The following PCBP3 variants were observed in gnomAD, a reference collection of about 807,000 sequenced individuals.
The protein encoded by PCBP3 is poly(rC) binding protein 3, also known as poly(rC)-binding protein 3.
A neutral mutation model predicts 52.7 loss-of-function variants in PCBP3; 25 were observed. The ratio of observed to expected loss-of-function variants is 0.47; its 90% CI spans 0.35 to 0.66. The LOEUF (loss-of-function observed/expected upper bound fraction) is 0.66. Ranked by LOEUF, PCBP3 falls within the 30% of genes least tolerant of loss-of-function variation. The pLI is 0.01. For synonymous variants in PCBP3, 162 were observed against 183.0 expected (o/e 0.89, Z 0.93); for missense variants, 391 against 490.3 (o/e 0.80, Z 1.91).
intron 2 of PCBP3, among the ~76,000 whole-genome samples, chr21:45,712,250 A>G (rs1199015353): frequency 1.3e-5 from 2 of 152,182 alleles, no homozygotes; most frequent in African/African-American, 4.8e-5. Flanking sequence ...TTTTCAATTC[A>G]TTTGGGCAAA....
chr21:45,928,775 G>A lies in PCBP3; in HGVS notation c.718-1142G>A, dbSNP rs369098524. Among the ~76,000 whole-genome samples the A allele has an allele frequency of 4.2e-4, 64 of 152,330 alleles. No homozygotes were observed. Among genetic ancestry groups the A allele is most frequent in the African/African-American group, 7.9e-4 (33 of 41,580 alleles). ...TGAGGTGCCTGCCTGGCTGTGGGTCGCAGGAGTCCACACACAGCCACGCTG... is the reference window on the plus strand; with the variant it reads ...TGAGGTGCCTGCCTGGCTGTGGGTCACAGGAGTCCACACACAGCCACGCTG... On this transcript the variant is annotated intron_variant, in intron 13 of 17. Transcript: ENST00000681687. The surrounding 1 kb of genome is among the most constrained non-coding windows in gnomAD (Gnocchi z 4.1).
chr21:45,826,239 C>T (rs931981571), intron 4 of PCBP3, among the ~76,000 whole-genome samples: 4 of 146,604 alleles, frequency 2.7e-5, no homozygotes, highest in Middle Eastern at 7.0e-3. Flanking sequence ...GCCTGGGCAA[C>T]AAGAGTGAAA....
chr21:45,933,773 G>A (rs1320606275), intron 15 of PCBP3, among the ~76,000 whole-genome samples: 1 of 152,104 alleles, frequency 6.6e-6, no homozygotes, highest in Non-Finnish European at 1.5e-5. Flanking sequence ...GCCCTGTGGG[G>A]TCACTCCCTG....
chr21:45,698,956 C>T (rs1170384245), intron 2 of PCBP3, among the ~76,000 whole-genome samples: 2 of 152,154 alleles, frequency 1.3e-5, no homozygotes, highest in African/African-American at 4.8e-5. Flanking sequence ...CCCAGCTATT[C>T]AGAATCCTCT....
At chr21:45,661,740 T>C (rs955960726) in intron 1 of PCBP3, among the ~76,000 whole-genome samples, 15 of 152,320 alleles carry the variant, frequency 9.8e-5, no homozygotes, top group Admixed American at 8.5e-4. Context: ...CTCCACACTG[T>C]TTTCCATAGA....
intron 9 of PCBP3, among the ~76,000 whole-genome samples, chr21:45,902,459 T>C (rs999995449): frequency 1.3e-5 from 2 of 152,238 alleles, no homozygotes; most frequent in African/African-American, 4.8e-5. Flanking sequence ...GTCACGCCGC[T>C]TGGGGATGGT....
intron 5 of PCBP3, among the ~76,000 whole-genome samples, chr21:45,891,604 G>A (rs1338819315): frequency 1.3e-5 from 2 of 152,146 alleles, no homozygotes; most frequent in Non-Finnish European, 2.9e-5. Context: ...GGACCACAGG[G>A]GACCAAGGAC....
intron 4 of PCBP3, among the ~76,000 whole-genome samples, chr21:45,787,772 G>C (rs2091261236): frequency 6.6e-6 from 1 of 152,150 alleles, no homozygotes; most frequent in African/African-American, 2.4e-5. Context: ...AGTTTGGTTG[G>C]GGTCTGTAGC....
At chr21:45,859,392 T>C (rs1443838006) in intron 5 of PCBP3, among the ~76,000 whole-genome samples, 1 of 150,856 alleles carries the variant, frequency 6.6e-6, no homozygotes, top group Admixed American at 6.6e-5. Context: ...GGGGTTCCCC[T>C]GCATGGCTAT....
At chr21:45,765,297 C>T (rs571375412) in intron 4 of PCBP3, among the ~76,000 whole-genome samples, 2 of 152,292 alleles carry the variant, frequency 1.3e-5, no homozygotes, top group South Asian at 4.1e-4. Context: ...AAACCCTTCC[C>T]ACAGCACCAT....
rs190850963 is a variant in PCBP3, at chr21:45,888,813, G to A, written c.11-7395G>A. 5.1e-3 allele frequency among the ~76,000 whole-genome samples: 775 copies of A among 152,282 alleles called. 17 individuals carry two copies. Among genetic ancestry groups the A allele is most frequent in the Non-Finnish European group, 1.8e-3 (121 of 68,034 alleles). ...TGGACAGTATCTACATGGAATGATT[G>A]TAAGGTTTCCACCTTAAACACACGT... On this transcript the variant is annotated intron_variant, in intron 5 of 17. Transcript: ENST00000681687.
intron 2 of PCBP3, among the ~76,000 whole-genome samples, chr21:45,721,408 A>G (rs1035675734): frequency 1.2e-4 from 10 of 84,632 alleles, no homozygotes; most frequent in African/African-American, 8.9e-5. Context: ...GTAAGACTCC[A>G]TCTCAAAAAA....
At chr21:45,795,640 C>G (rs1349434358) in intron 4 of PCBP3, among the ~76,000 whole-genome samples, 1 of 152,044 alleles carries the variant, frequency 6.6e-6, no homozygotes, top group African/African-American at 2.4e-5. Context: ...AAACCAGAAA[C>G]ATTTACAATG....
intron 4 of PCBP3, among the ~76,000 whole-genome samples, chr21:45,806,626 CT>C (rs1372504602): frequency 2.0e-5 from 3 of 151,930 alleles, no homozygotes; most frequent in Non-Finnish European, 2.9e-5. Context: ...TTTCATCGTT[CT>C]TTTTTAGAAT....
intron 2 of PCBP3, among the ~76,000 whole-genome samples, chr21:45,714,777 A>T (rs182889956): frequency 6.6e-6 from 1 of 152,238 alleles, no homozygotes; most frequent in Non-Finnish European, 1.5e-5. Context: ...AGATGTGGGG[A>T]CCTTGCTCTT....
At chr21:45,730,011 A>C (rs2085338592) in intron 2 of PCBP3, among the ~76,000 whole-genome samples, 1 of 151,822 alleles carries the variant, frequency 6.6e-6, no homozygotes, top group Non-Finnish European at 1.5e-5. Context: ...TGATCTTCCC[A>C]CTTTAGTCTC....
intron 4 of PCBP3, among the ~76,000 whole-genome samples, chr21:45,766,742 C>T (rs1211033723): frequency 6.6e-6 from 1 of 152,238 alleles, no homozygotes; most frequent in East Asian, 1.9e-4. Flanking sequence ...AGGCCGATTT[C>T]CTCTCAACAG....
At chr21:45,925,220 C>T (rs1205544152) in intron 13 of PCBP3, among the ~76,000 whole-genome samples, 1 of 152,202 alleles carries the variant, frequency 6.6e-6, no homozygotes, top group Admixed American at 6.5e-5. Context: ...GAGATGCGAA[C>T]ACCCGCAGGT....
At position 45,788,002 on chromosome 21, in the gene PCBP3, G is replaced by A. The variant is rs867651687; in HGVS notation, c.-126+32550G>A. ...GGGAGAGACTGGGGAGACCTACGGG[G>A]GAAGATGGGGGCACCTACAGTTGCA... is the stretch of plus-strand genomic sequence containing the variant. On this transcript the variant is annotated intron_variant, in intron 4 of 17. Transcript: ENST00000681687. This position sits in a 1 kb window ranked among gnomAD's most constrained non-coding sequence, Gnocchi z 4.3. Among the ~76,000 whole-genome samples the A allele has an allele frequency of 4.6e-5, 7 of 152,136 alleles. No individual in the cohort carries two copies. Among genetic ancestry groups the A allele is most frequent in the Admixed American group, 6.5e-5 (1 of 15,276 alleles).
Sources: gnomAD v4.1 joint callset for allele counts (sites outside exome capture counted in the v4.1 genomes callset) on GRCh38, gnomAD v4.1.1 for gene constraint, Gnocchi (gnomAD v3.1) non-coding constraint, MANE v1.5 for transcripts, NCBI Gene and HGNC (gene_info 2026-07-23, HGNC 2026-07-21) for gene names.